The following KCNB2 variants were observed in gnomAD, a reference collection of about 807,000 sequenced individuals.
KCNB2 encodes delayed rectifier potassium channel protein.
Under a neutral mutation model 61.5 loss-of-function variants are expected in KCNB2, and 15 were observed. That is an observed-to-expected ratio of 0.24 (90% CI 0.16 to 0.38). KCNB2 has a LOEUF of 0.38. KCNB2 is among the 10% of genes least tolerant of loss of function. The pLI is 1.00. For synonymous variants in KCNB2, 457 were observed against 446.0 expected, an observed-to-expected ratio of 1.02 and a Z score of -0.31; for missense variants, 828 against 1,125.2, an observed-to-expected ratio of 0.74 and a Z score of 3.78.
rs1806956147 is a variant in KCNB2 at position 72,937,769 on chromosome 8, C to A, written c.2414C>A (p.Thr805Asn). Residue 805 changes from threonine (T) to asparagine (N), a missense_variant, in exon 3 of 3, where the codon ACT (threonine) becomes AAT (asparagine). Thr to Asn is a moderately conservative substitution (Grantham distance 65, BLOSUM62 0). Around this residue, in one of 4 missense-constraint regions of KCNB2, gnomAD observed 559 missense variants for 588.4 expected, o/e 0.95. Transcript: ENST00000523207. ...TCTTCAAGAGAGAGGAGGAGCTTCA[C>A]TGAAATAGATACTGGTGACGACGAA... ...PFSSRERRSF[T>N]EIDTGDDEDF... The A allele has an allele frequency of 6.2e-7, 1 of 1,613,840 alleles. No individual in the cohort carries two copies. The highest frequency in any genetic ancestry group is 8.5e-7 in the Non-Finnish European group (1 of 1,180,030).
chr8:72,790,634 G>A (rs1185410335), intron 2 of KCNB2, among the ~76,000 whole-genome samples: 1 of 152,102 alleles, frequency 6.6e-6, no homozygotes, highest in Non-Finnish European at 1.5e-5. Flanking sequence ...AGGGAAGCAG[G>A]ACCCAGAGAG....
At chr8:72,783,322 AC>A (rs1448753591) in intron 2 of KCNB2, among the ~76,000 whole-genome samples, 1 of 152,002 alleles carries the variant, frequency 6.6e-6, no homozygotes, top group African/African-American at 2.4e-5. Flanking sequence ...TTAACCCCTT[AC>A]CCCAGGCTAC....
intron 2 of KCNB2, among the ~76,000 whole-genome samples, chr8:72,694,018 T>C (rs1468850230): frequency 1.3e-5 from 2 of 152,168 alleles, no homozygotes; most frequent in African/African-American, 4.8e-5. Flanking sequence ...TATATTTACA[T>C]TGGGAAAGAA....
At position 72,920,457 on chromosome 8, in the gene KCNB2, C is replaced by CTATATATATATATATATA. The variant is rs1286454103; in HGVS notation, c.580-15475_580-15474insATATATATATATATATAT. 1.1e-3 allele frequency among the ~76,000 whole-genome samples: 78 copies of CTATATATATATATATATA among 68,430 alleles called. 5 individuals are homozygous for CTATATATATATATATATA. Among genetic ancestry groups the CTATATATATATATATATA allele is most frequent in the East Asian group, 2.4e-3 (9 of 3,792 alleles). 44.9% of individuals were successfully genotyped at this position (68,430 alleles called of 152,430 possible). On this transcript the variant is annotated intron_variant, in intron 2 of 2. Coordinates refer to ENST00000523207, the MANE Select transcript of KCNB2 (RefSeq NM_004770.3). Reference sequence around the variant, plus strand: ...CTCTCCACTATATCTATCTATCTATCTATCTATCTATCTATCTATATATAT... The same window carrying CTATATATATATATATATA: ...CTCTCCACTATATCTATCTATCTATCTATATATATATATATATATATCTATCTATCTATCTATATATAT...
intron 2 of KCNB2, among the ~76,000 whole-genome samples, chr8:72,613,092 G>A (rs1025860884): frequency 4.7e-5 from 7 of 150,520 alleles, no homozygotes; most frequent in African/African-American, 1.7e-4. Context: ...ACTGCCCCAT[G>A]GTTACATATG....
chr8:72,569,331 A>G (rs933614898), intron 2 of KCNB2, among the ~76,000 whole-genome samples: 1 of 152,202 alleles, frequency 6.6e-6, no homozygotes, highest in African/African-American at 2.4e-5. Flanking sequence ...TCTCTCGTGA[A>G]CAGTAATGAT....
At chr8:72,616,235 A>G (rs1394218855) in intron 2 of KCNB2, among the ~76,000 whole-genome samples, 1 of 152,176 alleles carries the variant, frequency 6.6e-6, no homozygotes, top group Non-Finnish European at 1.5e-5. Flanking sequence ...TCAAGCTTCC[A>G]TTTAGAATTG....
rs776698564 is a variant in KCNB2 at position 72,738,883 on chromosome 8, TA to T, written c.579+170571del. Among the ~76,000 whole-genome samples, 27 of 152,320 alleles carry T rather than the reference TA, an allele frequency of 1.8e-4. 1 individual carries two copies. In the East Asian group the frequency reaches 4.2e-3, roughly 24 times the overall value. ...TCTTCTAGCCAGAGTTTTTCTTCAA[TA>T]GGGGCATCTGGGAACATTTTGACAT... On this transcript the variant is annotated intron_variant, in intron 2 of 2. Coordinates refer to ENST00000523207, the MANE Select transcript of KCNB2 (RefSeq NM_004770.3).
At chr8:72,747,510 C>G (rs1383205700) in intron 2 of KCNB2, among the ~76,000 whole-genome samples, 2 of 152,140 alleles carry the variant, frequency 1.3e-5, no homozygotes, top group African/African-American at 2.4e-5. Context: ...TCAGCAAGGT[C>G]TCAAATCTCA....
Position 72,824,104 on chromosome 8 carries a change from G to A in KCNB2, c.580-111831G>A, listed in dbSNP as rs865774026. On this transcript the variant is annotated intron_variant, in intron 2 of 2. Transcript: ENST00000523207. ...TCTCACTCAGAGGGAGCTATTTCAT[G>A]TGGCAAACACAGTCTTAGCTGTGCA... Among the ~76,000 whole-genome samples, 9 of 152,274 alleles carry A rather than the reference G, an allele frequency of 5.9e-5. No homozygotes were observed. In the South Asian group the frequency reaches 1.5e-3, roughly 25 times the overall value.
chr8:72,846,738 C>A (rs1418321270), intron 2 of KCNB2, among the ~76,000 whole-genome samples: 1 of 152,018 alleles, frequency 6.6e-6, no homozygotes, highest in Non-Finnish European at 1.5e-5. Context: ...GAATGGTGAT[C>A]ATTAAAAAGT....
intron 2 of KCNB2, among the ~76,000 whole-genome samples, chr8:72,768,577 T>G (rs545663263): frequency 3.2e-4 from 48 of 152,258 alleles, no homozygotes; most frequent in African/African-American, 6.3e-4. Flanking sequence ...TTATCCTTTT[T>G]TTGTTGTTGT....
intron 2 of KCNB2, among the ~76,000 whole-genome samples, chr8:72,691,847 G>A (rs13249726): frequency 0.41 from 62,993 of 151,978 alleles, 15,232 homozygotes; most frequent in Non-Finnish European, 0.57. Context: ...CTTGAAGTTC[G>A]TTGTTTGTCA....
At chr8:72,769,236 A>T (rs1349430296) in intron 2 of KCNB2, among the ~76,000 whole-genome samples, 1 of 152,052 alleles carries the variant, frequency 6.6e-6, no homozygotes, top group Non-Finnish European at 1.5e-5. Context: ...TGATTAAAAG[A>T]TTCACTGCAA....
chr8:72,695,345 A>G (rs1024761159), intron 2 of KCNB2, among the ~76,000 whole-genome samples: 1 of 152,162 alleles, frequency 6.6e-6, no homozygotes, highest in Non-Finnish European at 1.5e-5. Flanking sequence ...TCAGCATCAG[A>G]AATTGTTTGC....
chr8:72,911,243 A>G (rs1448601448), intron 2 of KCNB2, among the ~76,000 whole-genome samples: 1 of 152,230 alleles, frequency 6.6e-6, no homozygotes, highest in Admixed American at 6.5e-5. Context: ...ATTTGAAAGC[A>G]GCCTTGCCTT....
chr8:72,549,305 GATA>G (rs1806308303), intron 1 of KCNB2, among the ~76,000 whole-genome samples: 1 of 152,180 alleles, frequency 6.6e-6, no homozygotes, highest in African/African-American at 2.4e-5. Context: ...TCAATGTTAG[GATA>G]ATGCTAGCTC....
At chr8:72,648,956 A>G (rs1032535305) in intron 2 of KCNB2, among the ~76,000 whole-genome samples, 16 of 151,844 alleles carry the variant, frequency 1.1e-4, no homozygotes, top group Admixed American at 3.3e-4. Context: ...GTCCTTTTAC[A>G]TTGTGCAAGT....
intron 2 of KCNB2, among the ~76,000 whole-genome samples, chr8:72,838,574 G>A (rs927397045): frequency 1.3e-5 from 2 of 152,172 alleles, no homozygotes; most frequent in South Asian, 2.1e-4. Flanking sequence ...ATAAACATAC[G>A]TGTGCATGTG....
Sources: allele counts gnomAD v4.1 joint callset (sites outside exome capture counted in the v4.1 genomes callset), GRCh38; gene constraint gnomAD v4.1.1; regional missense constraint gnomAD v4.1.1; transcripts MANE v1.5; gene names NCBI Gene and HGNC (gene_info 2026-07-23, HGNC 2026-07-21).